APBB2: variants seen among roughly 807,000 people sequenced by gnomAD.
APBB2 encodes the protein amyloid beta precursor protein binding family B member 2.
Under a neutral mutation model 82.5 loss-of-function variants are expected in APBB2, and 38 were observed. The ratio of observed to expected loss-of-function variants is 0.46; its 90% CI spans 0.36 to 0.60. The LOEUF is 0.60. APBB2 is among the 20% of genes least tolerant of loss of function. The pLI is 0.00. For synonymous variants in APBB2, 341 were observed against 368.2 expected (o/e 0.93, Z 0.85); for missense variants, 772 against 972.3 (o/e 0.79, Z 2.74).
At chr4:41,152,922 G>A (rs1201131814) in intron 1 of APBB2, among the ~76,000 whole-genome samples, 8 of 152,156 alleles carry the variant, frequency 5.3e-5, no homozygotes. Flanking sequence ...ATTAGAGGTG[G>A]AGTATTCCTT....
At chr4:41,106,773 G>C (rs1344059795) in intron 2 of APBB2, among the ~76,000 whole-genome samples, 1 of 152,184 alleles carries the variant, frequency 6.6e-6, no homozygotes, top group Non-Finnish European at 1.5e-5. Context: ...ACCGTGCCTG[G>C]CCTAGATTAG....
rs869027470 is a variant in APBB2, at chr4:40,851,738, A to AT, written c.1530-21162dup. Reference sequence around the variant, plus strand: ...TATGCATATATATATATATATATATATTTTTTTTTTTTTTTTTTTTCAAAA... The same window carrying AT: ...TATGCATATATATATATATATATATATTTTTTTTTTTTTTTTTTTTTCAAAA... On this transcript the variant is annotated intron_variant, in intron 12 of 17. Transcript: ENST00000508593. 1.9e-3 allele frequency among the ~76,000 whole-genome samples: 127 copies of AT among 67,742 alleles called. No individual in the cohort carries two copies. The South Asian group carries it at 0.028, about 15-fold the overall frequency. 44.4% of individuals were successfully genotyped at this position (67,742 alleles called of 152,430 possible).
chr4:40,834,150 C>T (rs1454383104), intron 12 of APBB2, among the ~76,000 whole-genome samples: 1 of 151,786 alleles, frequency 6.6e-6, no homozygotes, highest in Non-Finnish European at 1.5e-5. Context: ...GTTGTTTCCT[C>T]CAAGGTAGAG....
intron 6 of APBB2, among the ~76,000 whole-genome samples, chr4:41,002,757 T>C (rs958316227): frequency 6.6e-6 from 1 of 152,258 alleles, no homozygotes; most frequent in Non-Finnish European, 1.5e-5. Context: ...TCTGTAACAC[T>C]GTCCATGGAA....
At chr4:41,035,888 A>C (rs147831652) in intron 4 of APBB2, among the ~76,000 whole-genome samples, 2,662 of 152,272 alleles carry the variant, frequency 0.017, 30 homozygotes, top group Middle Eastern at 0.041. Context: ...GGTATACGGA[A>C]GGGGCAGGTA....
At chr4:40,855,679 T>A (rs1016954593) in intron 12 of APBB2, among the ~76,000 whole-genome samples, 1 of 151,764 alleles carries the variant, frequency 6.6e-6, no homozygotes, top group Middle Eastern at 3.4e-3. Flanking sequence ...GAGGTTGCAG[T>A]GAGCCGAGAT....
chr4:41,140,326 C>A (rs1417458332), intron 2 of APBB2, among the ~76,000 whole-genome samples: 1 of 152,218 alleles, frequency 6.6e-6, no homozygotes. Context: ...TAACTATATG[C>A]TCTGGAAAGC....
chr4:41,034,683 C>G (rs112778751), intron 4 of APBB2, among the ~76,000 whole-genome samples: 7 of 152,318 alleles, frequency 4.6e-5, no homozygotes, highest in African/African-American at 1.4e-4. Context: ...AAAGCATGAT[C>G]TAATTTGAGT....
intron 6 of APBB2, among the ~76,000 whole-genome samples, chr4:40,975,259 G>C (rs1312906727): frequency 6.6e-6 from 1 of 152,178 alleles, no homozygotes; most frequent in Non-Finnish European, 1.5e-5. Context: ...AACAGGCCTT[G>C]AGTAAGGGCC....
intron 6 of APBB2, among the ~76,000 whole-genome samples, chr4:40,963,934 C>T (rs1226106640): frequency 1.4e-4 from 21 of 152,018 alleles, no homozygotes; most frequent in African/African-American, 4.8e-4. Context: ...ACCATGGAGC[C>T]CAAAACAGAA....
At chr4:40,996,616 T>G (rs1418684979) in intron 6 of APBB2, among the ~76,000 whole-genome samples, 1 of 152,142 alleles carries the variant, frequency 6.6e-6, no homozygotes, top group Admixed American at 6.5e-5. Context: ...TAGCTCCTCC[T>G]CCCATCTCTA....
chr4:40,976,168 T>C (rs1797128367), intron 6 of APBB2, among the ~76,000 whole-genome samples: 1 of 152,196 alleles, frequency 6.6e-6, no homozygotes, highest in Admixed American at 6.5e-5. Context: ...CTCTCCTCTA[T>C]AAAATTCAGT....
At chr4:40,835,715 G>T (rs1753684284) in intron 12 of APBB2, among the ~76,000 whole-genome samples, 1 of 152,224 alleles carries the variant, frequency 6.6e-6, no homozygotes, top group South Asian at 2.1e-4. Flanking sequence ...GACCCCATGT[G>T]ATTTGTTTGG....
At chr4:41,017,402 C>G (rs16852698) in intron 5 of APBB2, among the ~76,000 whole-genome samples, 6,998 of 152,184 alleles carry the variant, frequency 0.046, 342 homozygotes, top group African/African-American at 0.13. Flanking sequence ...GAAGTAGCTA[C>G]AGGTTAGCAA....
Position 40,814,613 on chromosome 4 carries a change from CA to C in APBB2, c.*1478del, listed in dbSNP as rs1745135453. On this transcript the variant is annotated 3_prime_UTR_variant, in exon 18 of 18. Coordinates refer to ENST00000508593, the MANE Select transcript of APBB2 (RefSeq NM_004307.2). ...TGACAAGTACATAGCAGTGTATAAA[CA>C]TAAAGCATTACTTTTATAATTGGAT... The C allele has an allele frequency of 6.6e-6, 1 of 152,212 alleles. No individual in the cohort carries two copies. Among genetic ancestry groups the C allele is most frequent in the East Asian group, 1.9e-4 (1 of 5,198 alleles). The allele number at this position is 152,212 out of a possible 1,614,324, so 9.4% of individuals were successfully genotyped here.
In APBB2 at chr4:40,969,249, C is replaced by T. The variant is rs553560876; in HGVS notation, c.836-24176G>A. ...CATTATAGTTTCTAGTGTGACACAC[C>T]CACCTCCTTTAGCTCCTACACCCTG... On this transcript the variant is annotated intron_variant, in intron 6 of 17. Transcript: ENST00000508593. Among the ~76,000 whole-genome samples, 5 of 152,224 alleles carry T rather than the reference C, an allele frequency of 3.3e-5. No homozygotes were observed. In the East Asian group the frequency reaches 9.6e-4, roughly 29 times the overall value.
intron 1 of APBB2, among the ~76,000 whole-genome samples, chr4:41,204,564 G>A (rs1038228312): frequency 1.3e-5 from 2 of 152,200 alleles, no homozygotes; most frequent in Non-Finnish European, 2.9e-5. Flanking sequence ...AGCAGGATAA[G>A]TGCTCGTCTG....
At chr4:41,040,680 A>T (rs1414652575) in intron 4 of APBB2, among the ~76,000 whole-genome samples, 1 of 152,140 alleles carries the variant, frequency 6.6e-6, no homozygotes, top group Non-Finnish European at 1.5e-5. Context: ...TGACTCAAAT[A>T]GCCTAAATTA....
intron 2 of APBB2, among the ~76,000 whole-genome samples, chr4:41,130,764 C>A (rs147462367): frequency 6.6e-6 from 1 of 152,256 alleles, no homozygotes; most frequent in Non-Finnish European, 1.5e-5. Context: ...ACGCCCTCCC[C>A]ACTTCTGCTC....
Sources: allele counts gnomAD v4.1 joint callset (sites outside exome capture counted in the v4.1 genomes callset), GRCh38; gene constraint gnomAD v4.1.1; transcripts MANE v1.5; gene names NCBI Gene and HGNC (gene_info 2026-07-23, HGNC 2026-07-21).